BNIP3L: variants seen among roughly 807,000 people sequenced by gnomAD.
BNIP3L encodes BCL2 interacting protein 3 like.
A neutral mutation model predicts 25.5 loss-of-function variants in BNIP3L; 10 were observed. That is an observed-to-expected ratio of 0.39 (90% CI 0.24 to 0.67). The LOEUF (loss-of-function observed/expected upper bound fraction) is 0.67, where lower values mean the gene tolerates loss of function less well. Among genes scored for constraint, BNIP3L ranks in the 30% least tolerant of loss-of-function variants. The probability of loss-of-function intolerance (pLI) is 0.45; values close to 1 mark genes in which losing one functional copy is unlikely to be tolerated. For missense variants in BNIP3L, 215 were observed against 270.9 expected (o/e 0.79, Z 1.45); for synonymous variants, 113 against 101.2 (o/e 1.12, Z -0.70).
At position 26,395,313 on chromosome 8, in the gene BNIP3L, G is replaced by C; in HGVS notation, c.357+11G>C. Reference sequence around the variant, plus strand: ...GACCATAGCTCTCAGGTGTGTCGGGGGGATTCTGATTTACAGTAAACAATT... The same window carrying C: ...GACCATAGCTCTCAGGTGTGTCGGGCGGATTCTGATTTACAGTAAACAATT... On this transcript the variant is annotated intron_variant, in intron 3 of 5. Transcript: ENST00000380629. The C allele has an allele frequency of 6.2e-7, 1 of 1,611,878 alleles. No individual in the cohort carries two copies. The highest frequency in any genetic ancestry group is 8.5e-7 in the Non-Finnish European group (1 of 1,178,750).
In BNIP3L at chr8:26,391,308, G is replaced by A. The variant is rs920302001; in HGVS notation, c.166G>A (p.Gly56Arg). The change falls in exon 2 of 6, where the codon GGG becomes AGG. Residue 56 changes from glycine (G) to arginine (R), a missense_variant. This residue lies in a region of BNIP3L where 36 missense variants were observed against 75.2 expected (regional missense o/e 0.48). Coordinates refer to ENST00000380629, the MANE Select transcript of BNIP3L (RefSeq NM_004331.3). ...TGATAATGGCAATGGGAAAAATGGG[G>A]GGCTGGAACACGTACCATCCTCATC... The part of the protein sequence containing the change: ...GNDNGNGKNG[G>R]LEHVPSSSSI... The A allele has an allele frequency of 1.9e-6, 3 of 1,612,204 alleles. No homozygotes were observed.
intron 1 of BNIP3L, chr8:26,390,395 A>G: frequency 1.0e-6 from 1 of 985,422 alleles, no homozygotes; most frequent in Non-Finnish European, 1.2e-6. Context: ...TGTCCAAGAA[A>G]ACTTTTCGTG....
chr8:26,394,701 T>C (rs6557918), intron 2 of BNIP3L, among the ~76,000 whole-genome samples: 146,426 of 152,294 alleles, frequency 0.96, 70,433 homozygotes, highest in East Asian at 1. Flanking sequence ...ATGTAGCCTT[T>C]GGAAAATTCC....
chr8:26,388,682 A>C (rs768981611), intron 1 of BNIP3L, among the ~76,000 whole-genome samples: 28 of 152,312 alleles, frequency 1.8e-4, no homozygotes, highest in Non-Finnish European at 3.2e-4. Context: ...CAAAAAAGTA[A>C]AAACCAGGTT....
At position 26,387,190 on chromosome 8, in the gene BNIP3L, G is replaced by C. The variant is rs116039342; in HGVS notation, c.100+3960G>C. On this transcript the variant is annotated intron_variant, in intron 1 of 5. Coordinates refer to ENST00000380629, the MANE Select transcript of BNIP3L (RefSeq NM_004331.3). ...TAAAGATTATACAACATACGGCAAT[G>C]AGTATAATCACAATTATTGGACCAC... 7.1e-3 allele frequency among the ~76,000 whole-genome samples: 1,080 copies of C among 152,298 alleles called. 14 individuals are homozygous for C. The highest frequency in any genetic ancestry group is 0.024 in the African/African-American group (1,016 of 41,552).
intron 2 of BNIP3L, 143 bp from the exon 3 acceptor site, chr8:26,395,087 C>G (rs2117475179): frequency 1.6e-6 from 1 of 637,452 alleles, no homozygotes. Flanking sequence ...ATAAATTTTT[C>G]TTGTATAGGG....
intron 1 of BNIP3L, among the ~76,000 whole-genome samples, chr8:26,388,990 A>G (rs1806049939): frequency 1.3e-5 from 2 of 152,196 alleles, no homozygotes; most frequent in South Asian, 4.1e-4. Flanking sequence ...CTGTCTCAAA[A>G]GAAAAACAAA....
At position 26,406,917 on chromosome 8, in the gene BNIP3L, TTTTG is replaced by T. The variant is rs1806512941; in HGVS notation, c.358-1079_358-1076del. Among the ~76,000 whole-genome samples, 3 of 152,168 alleles carry T rather than the reference TTTTG, an allele frequency of 2.0e-5. No individual in the cohort carries two copies. In the South Asian group the frequency reaches 6.2e-4, roughly 31 times the overall value. On this transcript the variant is annotated intron_variant, in intron 3 of 5. Coordinates refer to ENST00000380629, the MANE Select transcript of BNIP3L (RefSeq NM_004331.3). Reference sequence around the variant, plus strand: ...TTTCCTCATCACATCTCTCACTTATTTTTGTTTTACTTCTCATCATTTTATTTTT... The same window carrying T: ...TTTCCTCATCACATCTCTCACTTATTTTTTACTTCTCATCATTTTATTTTT...
In BNIP3L at chr8:26,395,214, A is replaced by C. The variant is rs1156541578; in HGVS notation, c.285-16A>C. On this transcript the variant is annotated splice_polypyrimidine_tract_variant and intron_variant, in intron 2 of 5. Transcript: ENST00000380629. ...AGTGAGAATTAAAACTAATAGCTGA[A>C]TTCCTTCTCTTCTAGCCCTTCGCCA... 6.2e-7 allele frequency: 1 copy of C among 1,612,496 alleles called. No individual in the cohort carries two copies. The highest frequency in any genetic ancestry group is 1.1e-5 in the South Asian group (1 of 90,674).
chr8:26,391,569 G>GAT, intron 2 of BNIP3L, 143 bp downstream of exon 2: 2 of 598,534 alleles, frequency 3.3e-6, no homozygotes, highest in Non-Finnish European at 5.0e-6. Flanking sequence ...ATATTGCACA[G>GAT]ATATATATTG....
intron 1 of BNIP3L, among the ~76,000 whole-genome samples, chr8:26,386,130 A>G (rs145505107): frequency 4.1e-4 from 63 of 152,304 alleles, no homozygotes; most frequent in Admixed American, 1.1e-3. Flanking sequence ...CAGGGTTTCA[A>G]TAGCAAATTA....
chr8:26,395,594 G>A (rs1585434136), intron 3 of BNIP3L: 2 of 296,450 alleles, frequency 6.7e-6, no homozygotes, highest in East Asian at 1.5e-4. Flanking sequence ...TGAGATAGAT[G>A]CTTTAAGACC....
At chr8:26,387,533 G>A (rs1806017727) in intron 1 of BNIP3L, among the ~76,000 whole-genome samples, 1 of 152,172 alleles carries the variant, frequency 6.6e-6, no homozygotes, top group Non-Finnish European at 1.5e-5. Context: ...GTGAGGATTG[G>A]TAGAGTTAGA....
chr8:26,401,501 G>A (rs1373394755), intron 3 of BNIP3L, among the ~76,000 whole-genome samples: 2 of 148,022 alleles, frequency 1.4e-5, no homozygotes, highest in Non-Finnish European at 3.0e-5. Context: ...CACCAGCATG[G>A]CACATGTATA....
chr8:26,409,455 T>C (rs541092166), intron 5 of BNIP3L, among the ~76,000 whole-genome samples: 3 of 152,328 alleles, frequency 2.0e-5, no homozygotes, highest in African/African-American at 7.2e-5. Flanking sequence ...GAAACTTGCA[T>C]ACAGCTTTCC....
rs147132290 is a variant in BNIP3L at position 26,405,510 on chromosome 8, C to A, written c.358-2490C>A. The stretch of plus-strand genomic sequence containing the variant: ...ATTGGTACTAACAAGAGCAGCAGAA[C>A]GCACAGGGGTTTTACTTTGCCCTGT... On this transcript the variant is annotated intron_variant, in intron 3 of 5. Coordinates refer to ENST00000380629, the MANE Select transcript of BNIP3L (RefSeq NM_004331.3). Among the ~76,000 whole-genome samples the A allele has an allele frequency of 6.6e-3, 1,003 of 152,260 alleles. 8 individuals are homozygous for A. The highest frequency in any genetic ancestry group is 0.011 in the South Asian group (55 of 4,820).
intron 5 of BNIP3L, 110 bp downstream of exon 5, chr8:26,408,486 A>G (rs1447690465): frequency 1.5e-5 from 19 of 1,294,050 alleles, no homozygotes; most frequent in Non-Finnish European, 1.9e-5. Flanking sequence ...TCAATGTTTT[A>G]GTGCAAATAA....
intron 3 of BNIP3L, among the ~76,000 whole-genome samples, chr8:26,397,221 A>G (rs1806265803): frequency 2.8e-5 from 1 of 35,854 alleles, no homozygotes; most frequent in South Asian, 1.4e-3. Context: ...GCAGCCAGAG[A>G]GAAAGGTCGG....
intron 3 of BNIP3L, chr8:26,395,684 G>A (rs1410660790): frequency 9.9e-6 from 2 of 201,428 alleles, no homozygotes; most frequent in Non-Finnish European, 2.1e-5. Flanking sequence ...GCAGAAGACG[G>A]GTGATTTCTG....
Sources: allele counts gnomAD v4.1 joint callset (sites outside exome capture counted in the v4.1 genomes callset), GRCh38; gene constraint gnomAD v4.1.1; regional missense constraint gnomAD v4.1.1; transcripts MANE v1.5; gene names NCBI Gene and HGNC (gene_info 2026-07-23, HGNC 2026-07-21).